ADD2: variants seen among roughly 807,000 people sequenced by gnomAD.
The protein encoded by ADD2 is adducin 2, also known as beta-adducin.
ADD2 carries 23 observed loss-of-function variants against 83.0 expected under a neutral mutation model. That is an observed-to-expected ratio of 0.28 (90% CI 0.20 to 0.39). The LOEUF (loss-of-function observed/expected upper bound fraction) is 0.39. ADD2 is among the 10% of genes least tolerant of loss of function. ADD2 has a pLI of 1.00. For synonymous variants in ADD2, 375 were observed against 375.4 expected, an observed-to-expected ratio of 1.00 and a Z score of 0.01; for missense variants, 758 against 944.9, an observed-to-expected ratio of 0.80 and a Z score of 2.59.
rs149689098 is a variant in ADD2 at position 70,676,806 on chromosome 2, C to G, written c.1583G>C (p.Ser528Thr). 26 of 1,614,092 alleles carry G rather than the reference C, an allele frequency of 1.6e-5. No individual in the cohort carries two copies. Among genetic ancestry groups the G allele is most frequent in the Non-Finnish European group, 1.8e-5 (21 of 1,180,032 alleles). Residue 528 changes from serine to threonine, a missense_variant, in exon 13 of 16, where the codon AGC becomes ACC. Around this residue, in one of 5 missense-constraint regions of ADD2, gnomAD observed 394 missense variants for 509.3 expected, o/e 0.77. Transcript: ENST00000264436. This position sits in a 1 kb window ranked among gnomAD's most constrained non-coding sequence, Gnocchi z 4.8. The part of the protein sequence containing the change: ...QLLASVIAEK[S>T]RSPSTESQLM... ...CAGCCTCTGCTCTACCGGGCTTCGG[C>G]TCTTCTCGGCAATGACGCTCGCCAG...
At chr2:70,678,102 A>G (rs1229035617) in intron 11 of ADD2, among the ~76,000 whole-genome samples, 1 of 152,254 alleles carries the variant, frequency 6.6e-6, no homozygotes, top group African/African-American at 2.4e-5. Context: ...AAGGTCGGCT[A>G]TAAAGAACAT....
In ADD2 at chr2:70,702,290, C is replaced by T. The variant is rs565596091; in HGVS notation, c.322+2031G>A. On this transcript the variant is annotated intron_variant, in intron 4 of 15. Transcript: ENST00000264436. ...CAAACAATTCTCCCACCTCAGCCTC[C>T]CAAGTAGCTGGGATTACAGGCATGC... Among the ~76,000 whole-genome samples the T allele has an allele frequency of 8.5e-5, 13 of 152,308 alleles. No homozygotes were observed. In the East Asian group the frequency reaches 2.3e-3, roughly 27 times the overall value.
rs1553374514 is a variant in ADD2 at position 70,706,416 on chromosome 2, G to T, written c.-8C>A. Reference sequence around the variant, plus strand: ...GACCGTCTCTTCGCTCATTTTCCCGGTGGGTTTGCAATTCGCTCCTGGAAC... The same window carrying T: ...GACCGTCTCTTCGCTCATTTTCCCGTTGGGTTTGCAATTCGCTCCTGGAAC... On this transcript the variant is annotated 5_prime_UTR_variant, in exon 3 of 16. Transcript: ENST00000264436. The surrounding 1 kb of genome is among the most constrained non-coding windows in gnomAD (Gnocchi z 5.0). The T allele has an allele frequency of 1.9e-6, 3 of 1,600,180 alleles. No homozygotes were observed. Among genetic ancestry groups the T allele is most frequent in the African/African-American group, 1.3e-5 (1 of 74,628 alleles).
intron 1 of ADD2, among the ~76,000 whole-genome samples, chr2:70,729,480 C>G (rs1553378917): frequency 6.6e-6 from 1 of 152,080 alleles, no homozygotes; most frequent in Non-Finnish European, 1.5e-5. Flanking sequence ...AAACATAGCC[C>G]AACCTCTTCC....
At chr2:70,734,876 G>A (rs1482111003) in intron 1 of ADD2, among the ~76,000 whole-genome samples, 1 of 152,186 alleles carries the variant, frequency 6.6e-6, no homozygotes, top group African/African-American at 2.4e-5. Context: ...AGAGCCCTGA[G>A]AGATCAAGTT....
In ADD2 at chr2:70,658,026, C is replaced by T. The variant is rs1379402092; in HGVS notation, c.*5399G>A. 1 of 152,192 alleles carries T rather than the reference C, an allele frequency of 6.6e-6. No homozygotes were observed. Among genetic ancestry groups the T allele is most frequent in the African/African-American group, 2.4e-5 (1 of 41,440 alleles). 9.4% of individuals were successfully genotyped at this position (152,192 alleles called of 1,614,324 possible). On this transcript the variant is annotated 3_prime_UTR_variant, in exon 16 of 16. Coordinates refer to ENST00000264436, the MANE Select transcript of ADD2 (RefSeq NM_001617.4). ...GGGAAAATCTAGAAGGTAAGTGGCA[C>T]CAAACATCAATATAGCCAAACCTAA... is the stretch of plus-strand genomic sequence containing the variant.
At chr2:70,675,587 T>A in intron 13 of ADD2, 1 of 985,454 alleles carries the variant, frequency 1.0e-6, no homozygotes, top group Non-Finnish European at 1.2e-6. Flanking sequence ...TTTTCCTAAT[T>A]CAGCATCCTC....
intron 1 of ADD2, among the ~76,000 whole-genome samples, chr2:70,734,426 C>T (rs1673425011): frequency 6.6e-6 from 1 of 152,104 alleles, no homozygotes; most frequent in Non-Finnish European, 1.5e-5. Context: ...ACCAATGGAC[C>T]AGACCTGGCA....
intron 9 of ADD2, 144 bp downstream of exon 9, chr2:70,687,880 G>T: frequency 1.6e-6 from 1 of 622,848 alleles, no homozygotes. Context: ...ATAAGATGGT[G>T]CCAAGGCAGA....
chr2:70,726,173 C>A (rs1320962179), intron 1 of ADD2, among the ~76,000 whole-genome samples: 1 of 110,118 alleles, frequency 9.1e-6, no homozygotes. Context: ...GGCGACAGAG[C>A]GAGACTCCAT....
rs113041236 is a variant in ADD2, at chr2:70,765,054, C to A, written c.-154+2832G>T. 7.5e-3 allele frequency among the ~76,000 whole-genome samples: 1,134 copies of A among 151,916 alleles called. 32 individuals carry two copies. The highest frequency in any genetic ancestry group is 0.026 in the African/African-American group (1,088 of 41,286). On this transcript the variant is annotated intron_variant, in intron 1 of 15. Transcript: ENST00000264436. ...TTAGGAAAAAGTTCCTTTCTGGTCT[C>A]GGAATCAAGAACTGTTGGTTGGGCA...
intron 10 of ADD2, among the ~76,000 whole-genome samples, chr2:70,683,341 T>C (rs1247169453): frequency 6.6e-6 from 1 of 152,146 alleles, no homozygotes; most frequent in East Asian, 1.9e-4. Context: ...CTACGACTTT[T>C]CATAGAGGAC....
chr2:70,701,260 T>C (rs1292359276), intron 4 of ADD2, among the ~76,000 whole-genome samples: 1 of 152,104 alleles, frequency 6.6e-6, no homozygotes, highest in Non-Finnish European at 1.5e-5. Context: ...CTCAGAAATC[T>C]GTTACTAAAA....
chr2:70,753,555 A>C (rs939325246), intron 1 of ADD2, among the ~76,000 whole-genome samples: 2 of 151,810 alleles, frequency 1.3e-5, no homozygotes, highest in Non-Finnish European at 2.9e-5. Flanking sequence ...AGCAGGGGCC[A>C]CTCAACCCAG....
intron 1 of ADD2, among the ~76,000 whole-genome samples, chr2:70,755,606 C>G (rs6546625): frequency 0.45 from 68,962 of 151,972 alleles, 17,375 homozygotes; most frequent in African/African-American, 0.69. Flanking sequence ...CTGGGTTGAA[C>G]GATACACTTA....
chr2:70,719,542 G>C (rs1281627900), intron 1 of ADD2, among the ~76,000 whole-genome samples: 1 of 152,170 alleles, frequency 6.6e-6, no homozygotes, highest in Non-Finnish European at 1.5e-5. Flanking sequence ...GGGAAGAAAG[G>C]GTTGTTGGGG....
chr2:70,678,555 G>C (rs1670293295), intron 11 of ADD2, 149 bp downstream of exon 11: 1 of 1,180,986 alleles, frequency 8.5e-7, no homozygotes, highest in Non-Finnish European at 1.1e-6. Context: ...GGCCTGAGCA[G>C]CTGCTCCCAG....
At chr2:70,702,561 G>T (rs1433536858) in intron 4 of ADD2, among the ~76,000 whole-genome samples, 1 of 152,090 alleles carries the variant, frequency 6.6e-6, no homozygotes, top group African/African-American at 2.4e-5. Context: ...GATGAAACAT[G>T]GGAAAGGTAT....
intron 2 of ADD2, among the ~76,000 whole-genome samples, chr2:70,707,701 A>G (rs1671974001): frequency 6.6e-6 from 1 of 152,246 alleles, no homozygotes; most frequent in Admixed American, 6.5e-5. Flanking sequence ...GGCAGCATGT[A>G]CTTTGGCTGA....
Sources: allele counts gnomAD v4.1 joint callset (sites outside exome capture counted in the v4.1 genomes callset), GRCh38; gene constraint gnomAD v4.1.1; regional missense constraint gnomAD v4.1.1; non-coding constraint Gnocchi (gnomAD v3.1); transcripts MANE v1.5; gene names NCBI Gene and HGNC (gene_info 2026-07-23, HGNC 2026-07-21).